Variants in CFAP210 observed in about 807,000 individuals in gnomAD.
The protein encoded by CFAP210 is cilia- and flagella- associated protein 210.
the CFAP210 span, chr2:169,661,143 A>C: frequency 1.8e-6 from 1 of 570,740 alleles, no homozygotes. Context: ...ACAATTCATA[A>C]AATTTCTTTA....
the CFAP210 span, among the ~76,000 whole-genome samples, chr2:169,664,296 A>G: frequency 6.6e-6 from 1 of 152,196 alleles, no homozygotes; most frequent in Non-Finnish European, 1.5e-5. Flanking sequence ...TTAAGGGAAA[A>G]CAAGAAGATA....
At chr2:169,651,099 C>T in the CFAP210 span, among the ~76,000 whole-genome samples, 7 of 151,288 alleles carry the variant, frequency 4.6e-5, no homozygotes, top group African/African-American at 1.7e-4. Context: ...TGGTGGCAGG[C>T]GCCTGTAATC....
chr2:169,694,263 G>T, the CFAP210 span: 1 of 1,613,874 alleles, frequency 6.2e-7, no homozygotes, highest in Non-Finnish European at 8.5e-7. Flanking sequence ...TAGCTCACCT[G>T]TACTTTCCTT....
At chr2:169,649,378 A>T in the CFAP210 span, 1 of 1,580,436 alleles carries the variant, frequency 6.3e-7, no homozygotes, top group Non-Finnish European at 8.6e-7. Context: ...AAACATATAA[A>T]ACCAGTTATA....
the CFAP210 span, among the ~76,000 whole-genome samples, chr2:169,650,734 C>CTCTGTGTGTG: frequency 6.8e-6 from 1 of 147,108 alleles, no homozygotes; most frequent in African/African-American, 2.5e-5. Context: ...TATGTATAAT[C>CTCTGTGTGTG]TGTGTGTGTG....
chr2:169,654,001 G>C, the CFAP210 span: 2 of 1,393,960 alleles, frequency 1.4e-6, no homozygotes, highest in Non-Finnish European at 1.9e-6. Flanking sequence ...TGTTCCTAAA[G>C]ACTACTGTCA....
the CFAP210 span, among the ~76,000 whole-genome samples, chr2:169,656,096 C>T: frequency 6.6e-6 from 1 of 152,070 alleles, no homozygotes; most frequent in East Asian, 1.9e-4. Flanking sequence ...GGAGAACAGC[C>T]TGGGCAACAT....
At chr2:169,689,070 A>G in the CFAP210 span, among the ~76,000 whole-genome samples, 7 of 152,194 alleles carry the variant, frequency 4.6e-5, no homozygotes, top group Non-Finnish European at 8.8e-5. Context: ...GGAAGAAGCA[A>G]AAGTGGAAAT....
At chr2:169,653,768 G>A in the CFAP210 span, among the ~76,000 whole-genome samples, 2 of 152,040 alleles carry the variant, frequency 1.3e-5, no homozygotes, top group African/African-American at 4.8e-5. Flanking sequence ...TAGGGACTAT[G>A]CCACCTTCAT....
At chr2:169,651,024 C>T in the CFAP210 span, among the ~76,000 whole-genome samples, 3 of 151,370 alleles carry the variant, frequency 2.0e-5, no homozygotes, top group East Asian at 5.9e-4. Flanking sequence ...GTCAGGAGTT[C>T]GAGACTAGCC....
chr2:169,659,092 C>T, the CFAP210 span: 1 of 152,434 alleles, frequency 6.6e-6, no homozygotes, highest in Non-Finnish European at 1.5e-5. Flanking sequence ...GCACTCCAGC[C>T]TGGGCAACAG....
At chr2:169,692,444 G>GCGCACACACACACACACACA in the CFAP210 span, among the ~76,000 whole-genome samples, 1 of 143,668 alleles carries the variant, frequency 7.0e-6, no homozygotes, top group East Asian at 2.1e-4. Context: ...ACAGGCGCAC[G>GCGCACACACACACACACACA]CACACACACA....
chr2:169,691,847 T>C, the CFAP210 span, among the ~76,000 whole-genome samples: 6 of 152,240 alleles, frequency 3.9e-5, no homozygotes, highest in Non-Finnish European at 5.9e-5. Flanking sequence ...CTTTGTCACA[T>C]GTGGCCACTG....
the CFAP210 span, chr2:169,645,730 C>A: frequency 1.4e-6 from 1 of 706,356 alleles, no homozygotes; most frequent in Non-Finnish European, 2.3e-6. Flanking sequence ...TCAATTAAAT[C>A]AGACATAATT....
chr2:169,680,731 T>A, the CFAP210 span, among the ~76,000 whole-genome samples: 1 of 152,098 alleles, frequency 6.6e-6, no homozygotes. Flanking sequence ...ACAAAACAGG[T>A]CATGAGGAAA....
chr2:169,690,826 TTC>T, the CFAP210 span, among the ~76,000 whole-genome samples: 3 of 152,216 alleles, frequency 2.0e-5, no homozygotes, highest in African/African-American at 4.8e-5. Flanking sequence ...TTTCAAGATT[TTC>T]TCTGTCTTTA....
chr2:169,690,440 A>G, the CFAP210 span, among the ~76,000 whole-genome samples: 3 of 152,202 alleles, frequency 2.0e-5, no homozygotes, highest in African/African-American at 7.2e-5. Context: ...TGAAGGTGGG[A>G]TCACCTGAGG....
chr2:169,654,254 A>G, the CFAP210 span: 10 of 1,502,570 alleles, frequency 6.7e-6, no homozygotes, highest in Middle Eastern at 1.8e-4. Context: ...ATCACAAAGA[A>G]AAATATCTTT....
the CFAP210 span, among the ~76,000 whole-genome samples, chr2:169,672,100 G>C: frequency 5.9e-5 from 9 of 152,096 alleles, no homozygotes; most frequent in Admixed American, 5.9e-4. Context: ...AAAGTAACAT[G>C]CATTCTGAAT....
Sources: gnomAD v4.1 joint callset for allele counts (sites outside exome capture counted in the v4.1 genomes callset) on GRCh38, gnomAD v4.1.1 for gene constraint, MANE v1.5 for transcripts, NCBI Gene and HGNC (gene_info 2026-07-23, HGNC 2026-07-21) for gene names.